The following CPEB2 variants were observed in gnomAD, a reference collection of about 807,000 sequenced individuals.
The protein encoded by CPEB2 is cytoplasmic polyadenylation element binding protein 2.
Under a neutral mutation model 93.6 loss-of-function variants are expected in CPEB2, and 56 were observed. That is an observed-to-expected ratio of 0.60 (90% CI 0.48 to 0.75). CPEB2 has a LOEUF of 0.75. Among genes scored for constraint, CPEB2 ranks in the 30% least tolerant of loss-of-function variants. The pLI, the probability that CPEB2 is intolerant of heterozygous loss-of-function variation, is 0.00. For missense variants in CPEB2, 1,579 were observed against 1,395.1 expected, an observed-to-expected ratio of 1.13 and a Z score of -2.10; for synonymous variants, 764 against 586.3, an observed-to-expected ratio of 1.30 and a Z score of -4.38.
intron 11 of CPEB2, among the ~76,000 whole-genome samples, chr4:15,064,358 T>C (rs971359772): frequency 6.6e-6 from 1 of 152,118 alleles, no homozygotes; most frequent in East Asian, 1.9e-4. Flanking sequence ...AATTCAATTT[T>C]CCATCTTTAA....
intron 8 of CPEB2, among the ~76,000 whole-genome samples, chr4:15,055,736 G>A (rs1384161253): frequency 2.0e-5 from 3 of 152,158 alleles, no homozygotes; most frequent in African/African-American, 7.2e-5. Flanking sequence ...GCCTGGCCTT[G>A]CCTTCTTTCT....
In CPEB2 at chr4:15,067,745, C is replaced by T. The variant is rs1250856999; in HGVS notation, c.*1365C>T. On this transcript the variant is annotated 3_prime_UTR_variant, in exon 12 of 12. Coordinates refer to ENST00000538197, the MANE Select transcript of CPEB2 (RefSeq NM_001177382.2). Reference sequence around the variant, plus strand: ...TACCTTTATAAGACAATGGTGAAATCTGGCTTGAACTTGCTTATGTGTTTA... The same window carrying T: ...TACCTTTATAAGACAATGGTGAAATTTGGCTTGAACTTGCTTATGTGTTTA... 6.6e-6 allele frequency: 1 copy of T among 152,402 alleles called. No individual in the cohort carries two copies. The allele number at this position is 152,402 out of a possible 1,614,324, so 9.4% of individuals were successfully genotyped here. A position where few individuals can be genotyped will look rare whatever the true frequency, so the allele number is the denominator to read the frequency against.
At chr4:15,056,926 CTAA>C (rs918947648) in intron 8 of CPEB2, among the ~76,000 whole-genome samples, 5 of 151,592 alleles carry the variant, frequency 3.3e-5, no homozygotes, top group South Asian at 4.2e-4. Context: ...TAAACATTCC[CTAA>C]TAATAACAAA....
chr4:15,005,122 G>A (rs1722639577), intron 1 of CPEB2: 1 of 152,178 alleles, frequency 6.6e-6, no homozygotes, highest in African/African-American at 2.4e-5. Context: ...CGCAGGACCT[G>A]GTTCCCGCGG....
chr4:15,021,564 G>A (rs1323899897), intron 4 of CPEB2, among the ~76,000 whole-genome samples: 1 of 152,016 alleles, frequency 6.6e-6, no homozygotes, highest in Non-Finnish European at 1.5e-5. Flanking sequence ...CCAAAGTATA[G>A]GGACAAACAG....
rs1324716666 is a variant in CPEB2 at position 15,004,292 on chromosome 4, C to T, written c.1619C>T (p.Ala540Val). Residue 540 changes from alanine (A) to valine (V), a missense_variant, in exon 1 of 12, where the codon GCC (alanine) becomes GTC (valine). Around this residue, in one of 2 missense-constraint regions of CPEB2, gnomAD observed 1,411 missense variants for 1,056.0 expected, o/e 1.34. Transcript: ENST00000538197. ...CTCCAGCAGCAGCACCAGGCGGCGGCCGCCGCCTTCCTGCAGCAGAGGAAC... is the reference window on the plus strand; with the variant it reads ...CTCCAGCAGCAGCACCAGGCGGCGGTCGCCGCCTTCCTGCAGCAGAGGAAC... ...PQLQQQHQAAAAAFLQQRNSY... is the reference protein window; with the variant it reads ...PQLQQQHQAAVAAFLQQRNSY... 6.7e-6 allele frequency: 10 copies of T among 1,493,358 alleles called. No individual in the cohort carries two copies. The highest frequency in any genetic ancestry group is 2.2e-5 in the Admixed American group (1 of 45,030). The allele number at this position is 1,493,358 out of a possible 1,614,324, so 92.5% of individuals were successfully genotyped here.
At chr4:15,047,914 GTT>G (rs567657399) in intron 6 of CPEB2, among the ~76,000 whole-genome samples, 1 of 139,820 alleles carries the variant, frequency 7.2e-6, no homozygotes, top group African/African-American at 2.6e-5. Context: ...GGGAGTTGTG[GTT>G]TTTTTTTTTT....
At chr4:15,041,283 A>G (rs1342216238) in intron 6 of CPEB2, among the ~76,000 whole-genome samples, 1 of 152,198 alleles carries the variant, frequency 6.6e-6, no homozygotes, top group Non-Finnish European at 1.5e-5. Context: ...AGCAATAATC[A>G]TGATGTTTAT....
intron 1 of CPEB2, 95 bp from the exon 2 acceptor site, chr4:15,007,210 T>TTC: frequency 9.6e-7 from 1 of 1,041,142 alleles, no homozygotes; most frequent in Non-Finnish European, 1.3e-6. Context: ...CTTTATATAT[T>TTC]TCATTCATAT....
At chr4:15,040,352 A>C (rs1169842668) in intron 5 of CPEB2, 112 bp from the exon 6 acceptor site, 1 of 929,320 alleles carries the variant, frequency 1.1e-6, no homozygotes, top group Non-Finnish European at 1.6e-6. Flanking sequence ...TCTTAAAACA[A>C]AGTAGCACTA....
chr4:15,003,869 C>G lies in CPEB2; in HGVS notation c.1196C>G (p.Pro399Arg). 1.2e-6 allele frequency: 1 copy of G among 854,984 alleles called. No individual in the cohort carries two copies. Among genetic ancestry groups the G allele is most frequent in the Middle Eastern group, 4.4e-4 (1 of 2,268 alleles). The allele number at this position is 854,984 out of a possible 1,614,324, so 53.0% of individuals were successfully genotyped here. ...SPPPQPQQPP[P>R]TQPQQQPPPP... ...CCACCCCAGCCCCAGCAGCCGCCGC[C>G]GACCCAGCCGCAGCAGCAGCCGCCG... The change falls in exon 1 of 12, where the codon CCG (proline) becomes CGG (arginine). Residue 399 changes from proline (P) to arginine (R), a missense_variant. Pro to Arg is a moderately radical substitution (Grantham distance 103). Around this residue, in one of 2 missense-constraint regions of CPEB2, gnomAD observed 1,411 missense variants for 1,056.0 expected, o/e 1.34. Transcript: ENST00000538197.
rs1729732257 is a variant in CPEB2, at chr4:15,066,762, C to T, written c.*382C>T. On this transcript the variant is annotated 3_prime_UTR_variant, in exon 12 of 12. Coordinates refer to ENST00000538197, the MANE Select transcript of CPEB2 (RefSeq NM_001177382.2). ...TGGGTTTTTAACTTCAAGATCTGCC[C>T]CAGTAATTTACCAAAGGTAGCAAAA... is the stretch of plus-strand genomic sequence containing the variant. 5.8e-6 allele frequency: 1 copy of T among 171,310 alleles called. No individual in the cohort carries two copies. Among genetic ancestry groups the T allele is most frequent in the Admixed American group, 6.0e-5 (1 of 16,782 alleles). The allele number at this position is 171,310 out of a possible 1,614,324, so 10.6% of individuals were successfully genotyped here. A position where few individuals can be genotyped will look rare whatever the true frequency, so the allele number is the denominator to read the frequency against.
rs547172657 is a variant in CPEB2, at chr4:15,022,684, T to C, written c.2125+5406T>C. On this transcript the variant is annotated intron_variant, in intron 4 of 11. Coordinates refer to ENST00000538197, the MANE Select transcript of CPEB2 (RefSeq NM_001177382.2). ...GTAAATTGTATTTATATAGCAGCCA[T>C]ATGTATTTTATTAAACATATTCTGA... 8.6e-4 allele frequency among the ~76,000 whole-genome samples: 131 copies of C among 152,242 alleles called. 1 individual carries two copies. The highest frequency in any genetic ancestry group is 1.6e-3 in the Non-Finnish European group (112 of 67,986).
Position 15,002,578 on chromosome 4 carries a change from C to A in CPEB2, c.-96C>A. On this transcript the variant is annotated 5_prime_UTR_variant, in exon 1 of 12. Transcript: ENST00000538197. Reference sequence around the variant, plus strand: ...GGTGTCCCTCTCTCACTGACTCCCCCTCCTTCCACCACGGCCGCGCAACCC... The same window carrying A: ...GGTGTCCCTCTCTCACTGACTCCCCATCCTTCCACCACGGCCGCGCAACCC... The A allele has an allele frequency of 9.7e-7, 1 of 1,035,468 alleles. No homozygotes were observed. The highest frequency in any genetic ancestry group is 1.3e-6 in the Non-Finnish European group (1 of 743,142). The allele number at this position is 1,035,468 out of a possible 1,614,324, so 64.1% of individuals were successfully genotyped here.
At chr4:15,024,132 G>A (rs147517184) in intron 4 of CPEB2, among the ~76,000 whole-genome samples, 3 of 151,926 alleles carry the variant, frequency 2.0e-5, no homozygotes, top group East Asian at 1.9e-4. Context: ...ACATACAAAC[G>A]CATCAAATTA....
Position 15,003,179 on chromosome 4 carries a change from G to A in CPEB2, c.506G>A (p.Arg169Gln), listed in dbSNP as rs1156281022. 2.0e-6 allele frequency: 3 copies of A among 1,533,686 alleles called. No homozygotes were observed. The highest frequency in any genetic ancestry group is 2.5e-5 in the East Asian group (1 of 40,610). Residue 169 changes from arginine to glutamine, a missense_variant, in exon 1 of 12, where the codon CGG (arginine) becomes CAG (glutamine). This residue lies in a region of CPEB2 where 1,411 missense variants were observed against 1,056.0 expected (regional missense o/e 1.34). Coordinates refer to ENST00000538197, the MANE Select transcript of CPEB2 (RefSeq NM_001177382.2). ...TCCTCCCCGCAGGACTTCAGTAAGC[G>A]GCAGCAGCAGCAGCTGAGCAGCCAG... ...RTSSPQDFSK[R>Q]QQQQLSSQKR...
chr4:15,058,127 G>C (rs1380458350), intron 8 of CPEB2, among the ~76,000 whole-genome samples: 1 of 152,046 alleles, frequency 6.6e-6, no homozygotes, highest in Non-Finnish European at 1.5e-5. Context: ...TTTTTCTTCT[G>C]TAAAACAGGA....
chr4:15,040,750 TTAAAA>T (rs1294239562), intron 6 of CPEB2, among the ~76,000 whole-genome samples: 1 of 152,218 alleles, frequency 6.6e-6, no homozygotes, highest in Non-Finnish European at 1.5e-5. Flanking sequence ...TCTGTATCTC[TTAAAA>T]TAAAGCTGCT....
chr4:15,006,782 A>G (rs1333681181), intron 1 of CPEB2, among the ~76,000 whole-genome samples: 1 of 152,244 alleles, frequency 6.6e-6, no homozygotes, highest in Non-Finnish European at 1.5e-5. Context: ...CCTTATTTCA[A>G]AAGGCGATTT....
Sources: allele counts gnomAD v4.1 joint callset (sites outside exome capture counted in the v4.1 genomes callset), GRCh38; gene constraint gnomAD v4.1.1; regional missense constraint gnomAD v4.1.1; transcripts MANE v1.5; gene names NCBI Gene and HGNC (gene_info 2026-07-23, HGNC 2026-07-21).